Variants in EIF3L observed in about 807,000 individuals in gnomAD.
The protein encoded by EIF3L is eIEF associated protein HSPC021.
A neutral mutation model predicts 74.6 loss-of-function variants in EIF3L; 32 were observed. That is an observed-to-expected ratio of 0.43 (90% CI 0.32 to 0.58). The LOEUF is 0.58. Ranked by LOEUF, EIF3L falls within the 20% of genes least tolerant of loss-of-function variation. The probability of loss-of-function intolerance (pLI) is 0.06; values close to 1 mark genes in which losing one functional copy is unlikely to be tolerated. For missense variants in EIF3L, 474 were observed against 707.8 expected (o/e 0.67, Z 3.75); for synonymous variants, 256 against 254.4 (o/e 1.01, Z -0.06).
rs9466 is a variant in EIF3L, at chr22:37,877,742, T to A, written c.1146T>A (p.Ile382=). ...CCCTCACGATGTACCCCATGCGTAT[T>A]GATGAGAGCATTCACCTCCAGCTGC... The part of the protein sequence containing the change: ...AIALTMYPMR[I]DESIHLQLRE... Residue 382 remains isoleucine (I), a synonymous_variant, in exon 11 of 13, where the codon ATT becomes ATA. Transcript: ENST00000652021. The A allele has an allele frequency of 6.2e-7, 1 of 1,613,316 alleles. No homozygotes were observed. Among genetic ancestry groups the A allele is most frequent in the Non-Finnish European group, 8.5e-7 (1 of 1,179,714 alleles).
intron 4 of EIF3L, among the ~76,000 whole-genome samples, chr22:37,857,129 AGG>A (rs1323873278): frequency 6.6e-6 from 1 of 152,106 alleles, no homozygotes; most frequent in African/African-American, 2.4e-5. Flanking sequence ...TGGGAGGTGA[AGG>A]TGGACGGATC....
At chr22:37,857,384 A>AC (rs1365547139) in intron 4 of EIF3L, among the ~76,000 whole-genome samples, 2 of 151,164 alleles carry the variant, frequency 1.3e-5, no homozygotes, top group East Asian at 1.9e-4. Flanking sequence ...AAAAAAAAAA[A>AC]AAAAAAAACC....
intron 8 of EIF3L, among the ~76,000 whole-genome samples, chr22:37,873,974 C>T (rs891753180): frequency 6.6e-6 from 1 of 152,156 alleles, no homozygotes; most frequent in Non-Finnish European, 1.5e-5. Context: ...TTTTACCCAA[C>T]ATAGTGTTTG....
At chr22:37,857,326 C>T (rs1308916979) in intron 4 of EIF3L, among the ~76,000 whole-genome samples, 8 of 137,642 alleles carry the variant, frequency 5.8e-5, no homozygotes. Context: ...GCTGAGATTG[C>T]GCCACTGGAC....
chr22:37,886,048 G>A (rs1927301194), intron 11 of EIF3L: 1 of 151,730 alleles, frequency 6.6e-6, no homozygotes, highest in African/African-American at 2.4e-5. Context: ...AAAAAAATTA[G>A]CCAGGCATGG....
chr22:37,878,778 TAAAC>T (rs1279585373), intron 11 of EIF3L: 5 of 152,292 alleles, frequency 3.3e-5, no homozygotes, highest in South Asian at 2.1e-4. Flanking sequence ...ATGTTATAAT[TAAAC>T]AAACTATGTA....
rs146445144 is a variant in EIF3L, at chr22:37,849,862, C to T, written c.34-153C>T. 21 of 789,088 alleles carry T rather than the reference C, an allele frequency of 2.7e-5. No individual in the cohort carries two copies. The East Asian group carries it at 5.2e-4, about 19-fold the overall frequency. The allele number at this position is 789,088 out of a possible 1,614,324, so 48.9% of individuals were successfully genotyped here. A position where few individuals can be genotyped will look rare whatever the true frequency, so the allele number is the denominator to read the frequency against. ...TATTGTCATTGTCTGTTTACTGTCCCTTTTCTCTAAGGCGTGTGAGTTCCT... is the reference window on the plus strand; with the variant it reads ...TATTGTCATTGTCTGTTTACTGTCCTTTTTCTCTAAGGCGTGTGAGTTCCT... On this transcript the variant is annotated intron_variant, in intron 1 of 12. Coordinates refer to ENST00000652021, the MANE Select transcript of EIF3L (RefSeq NM_016091.4).
chr22:37,865,906 G>A (rs1202693255), intron 7 of EIF3L, among the ~76,000 whole-genome samples: 1 of 152,226 alleles, frequency 6.6e-6, no homozygotes. Flanking sequence ...AGCCAGTGTT[G>A]TTGTTAAGGG....
chr22:37,866,710 T>C (rs980053272), intron 7 of EIF3L, among the ~76,000 whole-genome samples: 1 of 152,008 alleles, frequency 6.6e-6, no homozygotes, highest in Non-Finnish European at 1.5e-5. Flanking sequence ...CGCTTGAACC[T>C]GGGAGGTGGA....
chr22:37,864,198 A>G (rs1926021414), intron 7 of EIF3L, among the ~76,000 whole-genome samples: 1 of 152,172 alleles, frequency 6.6e-6, no homozygotes, highest in African/African-American at 2.4e-5. Flanking sequence ...CTGCCACTAC[A>G]AGGCCCACAC....
chr22:37,881,473 A>G (rs1927045798), intron 11 of EIF3L: 1 of 152,154 alleles, frequency 6.6e-6, no homozygotes, highest in Non-Finnish European at 1.5e-5. Context: ...CAATGGCACA[A>G]TCTTGGCTCA....
intron 7 of EIF3L, among the ~76,000 whole-genome samples, chr22:37,867,190 G>C (rs541028309): frequency 2.0e-5 from 3 of 152,104 alleles, no homozygotes; most frequent in South Asian, 4.1e-4. Context: ...GGTGCACCCA[G>C]CTGATTTTTA....
At chr22:37,885,906 CGA>C (rs1392551760) in intron 11 of EIF3L, 1 of 147,536 alleles carries the variant, frequency 6.8e-6, no homozygotes, top group African/African-American at 2.5e-5. Flanking sequence ...ATAAAAAAGA[CGA>C]GGCTGGGCAC....
intron 10 of EIF3L, 62 bp from the exon 11 acceptor site, chr22:37,877,612 C>G: frequency 6.6e-7 from 1 of 1,526,320 alleles, no homozygotes; most frequent in Middle Eastern, 2.4e-4. Flanking sequence ...GGCCAGTTGG[C>G]AGTGGGGACC....
chr22:37,854,490 A>G (rs1241240410), intron 3 of EIF3L, among the ~76,000 whole-genome samples: 1 of 152,210 alleles, frequency 6.6e-6, no homozygotes, highest in Admixed American at 6.6e-5. Flanking sequence ...TTTTTGAGAC[A>G]GGATTTCGCT....
At chr22:37,882,880 G>T (rs1927124226) in intron 11 of EIF3L, 1 of 149,718 alleles carries the variant, frequency 6.7e-6, no homozygotes, top group African/African-American at 2.5e-5. Context: ...GGTGCCTGTA[G>T]TCCCAGCTAC....
intron 4 of EIF3L, among the ~76,000 whole-genome samples, chr22:37,857,953 T>A (rs1280719539): frequency 6.6e-6 from 1 of 152,062 alleles, no homozygotes; most frequent in Non-Finnish European, 1.5e-5. Flanking sequence ...GAGGATTTCT[T>A]GAGGCTGGGA....
At chr22:37,876,772 C>T (rs548242130) in intron 10 of EIF3L, 5 of 152,274 alleles carry the variant, frequency 3.3e-5, no homozygotes, top group East Asian at 1.9e-4. Context: ...TGAGTGTTCA[C>T]TGGGTTCTAA....
chr22:37,878,051 G>C lies in EIF3L; in HGVS notation c.1455G>C (p.Glu485Asp), dbSNP rs1292853457. 2.5e-6 allele frequency: 4 copies of C among 1,614,048 alleles called. No homozygotes were observed. In the Admixed American group the frequency reaches 6.7e-5, roughly 27 times the overall value. ...GCTTCCTGGACCTCACAGAGCAGGA[G>C]TTCCGGATCCAGCTTCTTGTCTTCA... Reference protein sequence around the residue: ...LAGFLDLTEQEFRIQLLVFKH... With the variant: ...LAGFLDLTEQDFRIQLLVFKH... Residue 485 changes from glutamate to aspartate, a missense_variant, in exon 11 of 13, where the codon GAG becomes GAC. Transcript: ENST00000652021.
Sources: allele counts gnomAD v4.1 joint callset (sites outside exome capture counted in the v4.1 genomes callset), GRCh38; gene constraint gnomAD v4.1.1; transcripts MANE v1.5; gene names NCBI Gene and HGNC (gene_info 2026-07-23, HGNC 2026-07-21).